The following KLHL29 variants were observed in gnomAD, a reference collection of about 807,000 sequenced individuals.
KLHL29 encodes the protein kelch-like protein 29.
A neutral mutation model predicts 80.4 loss-of-function variants in KLHL29; 21 were observed. The ratio of observed to expected loss-of-function variants is 0.26; its 90% confidence interval spans 0.19 to 0.38. The LOEUF is 0.38. Among genes scored for constraint, KLHL29 ranks in the 10% least tolerant of loss-of-function variants. The pLI is 1.00. For synonymous variants in KLHL29, 511 were observed against 526.8 expected, an observed-to-expected ratio of 0.97 and a Z score of 0.41; for missense variants, 867 against 1,223.9, an observed-to-expected ratio of 0.71 and a Z score of 4.35.
intron 1 of KLHL29, among the ~76,000 whole-genome samples, chr2:23,404,741 G>A (rs564578614): frequency 2.0e-5 from 3 of 152,188 alleles, no homozygotes; most frequent in Non-Finnish European, 2.9e-5. Flanking sequence ...CAACACTTCC[G>A]GCCAGGAATC....
intron 1 of KLHL29, among the ~76,000 whole-genome samples, chr2:23,448,342 G>C (rs888522297): frequency 6.6e-6 from 1 of 152,164 alleles, no homozygotes; most frequent in Non-Finnish European, 1.5e-5. Flanking sequence ...AATCTAATCA[G>C]ATCCTTGTGA....
intron 1 of KLHL29, among the ~76,000 whole-genome samples, chr2:23,408,390 G>A (rs6738019): frequency 0.36 from 53,579 of 147,488 alleles, 9,952 homozygotes; most frequent in South Asian, 0.48. Flanking sequence ...CTACATTATT[G>A]AGTCTTCTCA....
chr2:23,688,348 C>T (rs1671372862), intron 6 of KLHL29, among the ~76,000 whole-genome samples: 1 of 152,210 alleles, frequency 6.6e-6, no homozygotes. Flanking sequence ...GTCCCTCACC[C>T]ACCACTGCCC....
intron 3 of KLHL29, among the ~76,000 whole-genome samples, chr2:23,604,790 C>G (rs960498739): frequency 1.3e-5 from 2 of 152,168 alleles, no homozygotes; most frequent in African/African-American, 2.4e-5. Context: ...CTTACCACGC[C>G]TCTCCAGTGC....
intron 1 of KLHL29, among the ~76,000 whole-genome samples, chr2:23,468,168 G>A (rs1215090036): frequency 6.6e-6 from 1 of 152,172 alleles, no homozygotes; most frequent in Non-Finnish European, 1.5e-5. Flanking sequence ...GCTTGAGGCA[G>A]GGACTGGGAG....
At chr2:23,541,405 C>T (rs1666830805) in intron 2 of KLHL29, among the ~76,000 whole-genome samples, 1 of 152,236 alleles carries the variant, frequency 6.6e-6, no homozygotes, top group East Asian at 1.9e-4. Flanking sequence ...AAGCCTCTGC[C>T]TGTCTTATGG....
chr2:23,393,438 TG>T (rs541402445), intron 1 of KLHL29, among the ~76,000 whole-genome samples: 267 of 152,360 alleles, frequency 1.8e-3, no homozygotes, highest in African/African-American at 6.2e-3. Flanking sequence ...TGGGTCTGTC[TG>T]GCGCTTCTGA....
intron 2 of KLHL29, among the ~76,000 whole-genome samples, chr2:23,516,546 G>A (rs537135783): frequency 1.3e-5 from 2 of 152,124 alleles, no homozygotes; most frequent in African/African-American, 2.4e-5. Context: ...GTGCCATGGC[G>A]CAGCAAGCTA....
chr2:23,600,259 A>AG (rs1668536803), intron 3 of KLHL29, among the ~76,000 whole-genome samples: 1 of 152,246 alleles, frequency 6.6e-6, no homozygotes, highest in Admixed American at 6.5e-5. Context: ...TCCGGATGGA[A>AG]GGGGACTCAG....
rs1671085715 is a variant in KLHL29 at position 23,681,647 on chromosome 2, T to C, written c.941-2752T>C. ...AGCAGGTGTCTCTGCCCTTCTGTGC[T>C]AGAGGAAACAGAGGCCCAGAAAGCT... On this transcript the variant is annotated intron_variant, in intron 5 of 13. Coordinates refer to ENST00000486442, the MANE Select transcript of KLHL29 (RefSeq NM_052920.2). The surrounding 1 kb of genome is among the most constrained non-coding windows in gnomAD (Gnocchi z 4.2). Among the ~76,000 whole-genome samples the C allele has an allele frequency of 6.6e-6, 1 of 152,140 alleles. No individual in the cohort carries two copies. Among genetic ancestry groups the C allele is most frequent in the South Asian group, 2.1e-4 (1 of 4,834 alleles).
At chr2:23,553,394 G>A (rs947167453) in intron 2 of KLHL29, among the ~76,000 whole-genome samples, 9 of 152,364 alleles carry the variant, frequency 5.9e-5, no homozygotes, top group Middle Eastern at 6.8e-3. Flanking sequence ...TCATCCTAGA[G>A]TGGAACAGGA....
intron 5 of KLHL29, among the ~76,000 whole-genome samples, chr2:23,652,780 C>G (rs949524044): frequency 6.6e-6 from 1 of 152,132 alleles, no homozygotes; most frequent in Non-Finnish European, 1.5e-5. Flanking sequence ...CCAAATGAAG[C>G]GAAAAGAGAA....
chr2:23,662,638 C>T (rs932008185), intron 5 of KLHL29, among the ~76,000 whole-genome samples: 9 of 152,124 alleles, frequency 5.9e-5, no homozygotes, highest in African/African-American at 1.9e-4. Context: ...CTGCCCGGCC[C>T]CCACTTCCAG....
intron 2 of KLHL29, among the ~76,000 whole-genome samples, chr2:23,509,835 T>TGAAA (rs1234710880): frequency 6.6e-6 from 1 of 152,156 alleles, no homozygotes; most frequent in Non-Finnish European, 1.5e-5. Context: ...TGGGTGCTGC[T>TGAAA]TTTGACAGCT....
Position 23,681,269 on chromosome 2 carries a change from G to T in KLHL29, c.941-3130G>T, listed in dbSNP as rs1671076472. 6.6e-6 allele frequency among the ~76,000 whole-genome samples: 1 copy of T among 152,240 alleles called. No homozygotes were observed. ...TAAATTGAAAAATTCTTCTGAAAGT[G>T]AATAATCTTCCCCAACTATTAAATC... On this transcript the variant is annotated intron_variant, in intron 5 of 13. Coordinates refer to ENST00000486442, the MANE Select transcript of KLHL29 (RefSeq NM_052920.2). This position sits in a 1 kb window ranked among gnomAD's most constrained non-coding sequence, Gnocchi z 4.2.
At chr2:23,426,567 CG>C (rs1663010074) in intron 1 of KLHL29, among the ~76,000 whole-genome samples, 1 of 152,232 alleles carries the variant, frequency 6.6e-6, no homozygotes, top group African/African-American at 2.4e-5. Flanking sequence ...ACACCCTCCC[CG>C]CTGCTGCAAA....
intron 2 of KLHL29, among the ~76,000 whole-genome samples, chr2:23,477,905 C>T (rs1006372184): frequency 6.6e-6 from 1 of 152,168 alleles, no homozygotes; most frequent in Non-Finnish European, 1.5e-5. Flanking sequence ...AATGTTGACC[C>T]TTAGTTTGGG....
At chr2:23,521,069 A>G (rs1666087335) in intron 2 of KLHL29, among the ~76,000 whole-genome samples, 1 of 150,920 alleles carries the variant, frequency 6.6e-6, no homozygotes, top group African/African-American at 2.5e-5. Flanking sequence ...AGCTACGTAC[A>G]TAACCGGATG....
Position 23,451,324 on chromosome 2 carries a change from A to G in KLHL29, c.-153-24236A>G, listed in dbSNP as rs1396158269. 5.9e-5 allele frequency among the ~76,000 whole-genome samples: 9 copies of G among 152,314 alleles called. No individual in the cohort carries two copies. In the Middle Eastern group the frequency reaches 0.01, roughly 173 times the overall value. ...CTGGAACACAGTAGGGACCCAGGGAATGTGAGTTCTCATCATCTTTCTTGT... is the reference window on the plus strand; with the variant it reads ...CTGGAACACAGTAGGGACCCAGGGAGTGTGAGTTCTCATCATCTTTCTTGT... On this transcript the variant is annotated intron_variant, in intron 1 of 13. Transcript: ENST00000486442.
Sources: allele counts gnomAD v4.1 joint callset (sites outside exome capture counted in the v4.1 genomes callset), GRCh38; gene constraint gnomAD v4.1.1; non-coding constraint Gnocchi (gnomAD v3.1); transcripts MANE v1.5; gene names NCBI Gene and HGNC (gene_info 2026-07-23, HGNC 2026-07-21).